COL22A1: variants seen among roughly 807,000 people sequenced by gnomAD.
The protein encoded by COL22A1 is collagen alpha-1(XXII) chain.
COL22A1 carries 221 observed loss-of-function variants against 248.9 expected under a neutral mutation model. The observed-to-expected ratio is 0.89, with a 90% CI of 0.80 to 0.99. The LOEUF (loss-of-function observed/expected upper bound fraction) is 0.99, where lower values mean the gene tolerates loss of function less well. Among genes scored for constraint, COL22A1 ranks in the 50% least tolerant of loss-of-function variants. COL22A1 has a pLI of 0.00. For missense variants in COL22A1, 2,240 were observed against 2,179.0 expected, an observed-to-expected ratio of 1.03 and a Z score of -0.56; for synonymous variants, 891 against 793.4, an observed-to-expected ratio of 1.12 and a Z score of -2.07.
chr8:138,814,941 T>C (rs1194184807), intron 7 of COL22A1, among the ~76,000 whole-genome samples: 2 of 152,152 alleles, frequency 1.3e-5, no homozygotes, highest in African/African-American at 4.8e-5. Flanking sequence ...TCACCTTGAA[T>C]TGTAATAATC....
chr8:138,807,073 AAG>A (rs1219435372), intron 10 of COL22A1, among the ~76,000 whole-genome samples: 2 of 152,146 alleles, frequency 1.3e-5, no homozygotes, highest in Non-Finnish European at 2.9e-5. Flanking sequence ...AGTGGAAGGA[AAG>A]AGAGAGATGA....
chr8:138,645,414 C>T (rs1822115038), intron 47 of COL22A1, among the ~76,000 whole-genome samples: 1 of 152,282 alleles, frequency 6.6e-6, no homozygotes, highest in South Asian at 2.1e-4. Context: ...TCTATTCTGC[C>T]CTAACTTTCA....
chr8:138,910,935 C>T (rs1815408322), intron 1 of COL22A1, among the ~76,000 whole-genome samples: 1 of 152,206 alleles, frequency 6.6e-6, no homozygotes, highest in Non-Finnish European at 1.5e-5. Flanking sequence ...TGACCTCTAT[C>T]AAAAACATCA....
rs775736940 is a variant in COL22A1, at chr8:138,662,030, G to A, written c.3240C>T (p.Asp1080=). ...GTCCACGCCATTTCTCTGTACTTAC[G>A]TCCCGGCCGGCTGGGCCCTGGGGGC... ...FPGPQGPAGR[D]GAPGNPGERG... Residue 1080 remains aspartate (D), a splice_region_variant and synonymous_variant, in exon 43 of 65, where the codon GAC becomes GAT. Transcript: ENST00000303045. 30 of 1,610,998 alleles carry A rather than the reference G, an allele frequency of 1.9e-5. 1 individual carries two copies. Among genetic ancestry groups the A allele is most frequent in the South Asian group, 8.8e-5 (8 of 90,440 alleles).
chr8:138,656,576 C>G (rs1179196542), intron 44 of COL22A1, among the ~76,000 whole-genome samples: 1 of 152,116 alleles, frequency 6.6e-6, no homozygotes, highest in African/African-American at 2.4e-5. Context: ...GATTGTGGCT[C>G]TTACAACCAC....
intron 1 of COL22A1, among the ~76,000 whole-genome samples, chr8:138,899,378 T>A (rs901255623): frequency 6.6e-6 from 1 of 152,114 alleles, no homozygotes; most frequent in South Asian, 2.1e-4. Flanking sequence ...AATAAGAAGA[T>A]CTGGTTTAGC....
At chr8:138,714,121 A>G (rs1445000114) in intron 30 of COL22A1, among the ~76,000 whole-genome samples, 1 of 152,216 alleles carries the variant, frequency 6.6e-6, no homozygotes, top group Non-Finnish European at 1.5e-5. Flanking sequence ...ACCTGCCCGC[A>G]TGTTGCCAAA....
At chr8:138,686,305 G>A (rs1279998060) in intron 37 of COL22A1, among the ~76,000 whole-genome samples, 1 of 152,188 alleles carries the variant, frequency 6.6e-6, no homozygotes, top group Non-Finnish European at 1.5e-5. Flanking sequence ...TCTGACGACA[G>A]GGCTCTGAAC....
chr8:138,805,893 T>G (rs2131655142), intron 10 of COL22A1, among the ~76,000 whole-genome samples: 1 of 144,428 alleles, frequency 6.9e-6, no homozygotes, highest in African/African-American at 2.6e-5. Flanking sequence ...TGATGGTGTA[T>G]TATGGTGTAG....
intron 46 of COL22A1, 58 bp downstream of exon 46, chr8:138,649,607 C>T (rs1822509757): frequency 2.5e-5 from 39 of 1,566,400 alleles, no homozygotes; most frequent in Non-Finnish European, 3.3e-5. Context: ...ATACTGAGAT[C>T]TCCAGAATGA....
chr8:138,890,895 A>C (rs1324082853), intron 1 of COL22A1, among the ~76,000 whole-genome samples: 5 of 151,474 alleles, frequency 3.3e-5, no homozygotes, highest in Non-Finnish European at 5.9e-5. Flanking sequence ...TGGCAGCATG[A>C]GCCTGTAGTC....
chr8:138,703,256 T>G (rs1801451906), intron 31 of COL22A1, 50 bp downstream of exon 31: 1 of 1,522,270 alleles, frequency 6.6e-7, no homozygotes, highest in Non-Finnish European at 9.1e-7. Context: ...GGAGTACGAA[T>G]CCCAATATAG....
At chr8:138,818,187 C>T (rs191396122) in intron 7 of COL22A1, among the ~76,000 whole-genome samples, 2 of 152,132 alleles carry the variant, frequency 1.3e-5, no homozygotes, top group Non-Finnish European at 2.9e-5. Flanking sequence ...ATAAGATGCT[C>T]TCTGGGTTCC....
rs141159046 is a variant in COL22A1, at chr8:138,903,919, G to A, written c.-73+9700C>T. Among the ~76,000 whole-genome samples the A allele has an allele frequency of 3.8e-4, 58 of 152,252 alleles. 1 individual carries two copies. The East Asian group carries it at 9.3e-3, about 24-fold the overall frequency. ...GGGGCGCTGACGGCCATGTGCCAGT[G>A]TGTGGGGGATCCTGATGCACACTGG... On this transcript the variant is annotated intron_variant, in intron 1 of 64. Coordinates refer to ENST00000303045, the MANE Select transcript of COL22A1 (RefSeq NM_152888.3).
chr8:138,606,959 C>T (rs1386981077), intron 57 of COL22A1, among the ~76,000 whole-genome samples: 1 of 152,154 alleles, frequency 6.6e-6, no homozygotes, highest in African/African-American at 2.4e-5. Flanking sequence ...ATCCCACCTC[C>T]TCTGTTCTGT....
At chr8:138,858,583 C>T (rs1822218692) in intron 3 of COL22A1, among the ~76,000 whole-genome samples, 1 of 152,038 alleles carries the variant, frequency 6.6e-6, no homozygotes, top group South Asian at 2.1e-4. Flanking sequence ...CCTGAGGGTG[C>T]CAAGCAAAAC....
At chr8:138,709,749 C>A (rs905233094) in intron 30 of COL22A1, among the ~76,000 whole-genome samples, 1 of 152,130 alleles carries the variant, frequency 6.6e-6, no homozygotes, top group Non-Finnish European at 1.5e-5. Context: ...AACAAACCTG[C>A]ATCTTGTGCA....
At chr8:138,670,171 C>G (rs9657456) in intron 41 of COL22A1, among the ~76,000 whole-genome samples, 79,496 of 152,058 alleles carry the variant, frequency 0.52, 23,910 homozygotes, top group East Asian at 0.69. Context: ...ACAGGTTGAG[C>G]CACTGCACCT....
chr8:138,643,615 T>TAGATAGAC (rs1483311335), intron 47 of COL22A1, among the ~76,000 whole-genome samples: 1 of 43,178 alleles, frequency 2.3e-5, no homozygotes, highest in Non-Finnish European at 6.2e-5. Context: ...GCAATATAGA[T>TAGATAGAC]AGATAGATAG....
Sources: allele counts gnomAD v4.1 joint callset (sites outside exome capture counted in the v4.1 genomes callset), GRCh38; gene constraint gnomAD v4.1.1; transcripts MANE v1.5; gene names NCBI Gene and HGNC (gene_info 2026-07-23, HGNC 2026-07-21).